MYO3A: variants seen among roughly 807,000 people sequenced by gnomAD.
MYO3A encodes the protein myosin-IIIa.
A neutral mutation model predicts 192.7 loss-of-function variants in MYO3A; 180 were observed. The ratio of observed to expected loss-of-function variants is 0.93; its 90% CI spans 0.83 to 1.06. The LOEUF is 1.06. Among genes scored for constraint, MYO3A ranks in the 50% least tolerant of loss-of-function variants. MYO3A has a pLI of 0.00. For synonymous variants in MYO3A, 628 were observed against 645.3 expected (o/e 0.97, Z 0.41); for missense variants, 1,896 against 1,905.0 (o/e 1.00, Z 0.09).
In MYO3A at chr10:26,067,005, C is replaced by T. The variant is rs1834890764; in HGVS notation, c.984C>T (p.Asn328=). The T allele has an allele frequency of 1.2e-6, 2 of 1,612,798 alleles. No individual in the cohort carries two copies. Among genetic ancestry groups the T allele is most frequent in the Non-Finnish European group, 8.5e-7 (1 of 1,178,836 alleles). ...RRERIHTKKG[N]FNRPLISNLK... ...AACGTATTCACACGAAGAAAGGGAA[C>T]TTCAACCGACCTCTAATATCCAATC... is the stretch of plus-strand genomic sequence containing the variant. The change falls in exon 11 of 35, where the codon AAC becomes AAT. Residue 328 remains asparagine, a synonymous_variant. Coordinates refer to ENST00000642920, the MANE Select transcript of MYO3A (RefSeq NM_017433.5).
chr10:26,035,316 T>C (rs757669048), intron 10 of MYO3A, among the ~76,000 whole-genome samples: 1 of 152,208 alleles, frequency 6.6e-6, no homozygotes, highest in Non-Finnish European at 1.5e-5. Context: ...GAATAGGCAA[T>C]TGAATAATTA....
chr10:25,995,995 C>T (rs1840411003), intron 4 of MYO3A, among the ~76,000 whole-genome samples: 1 of 152,238 alleles, frequency 6.6e-6, no homozygotes. Context: ...AGATCTTAAA[C>T]TCCATGCTGG....
At position 26,088,377 on chromosome 10, in the gene MYO3A, G is replaced by GA; in HGVS notation, c.1539dup (p.Ser514IlefsTer25). On this transcript the variant is annotated frameshift_variant, in exon 15 of 35. Coordinates refer to ENST00000642920, the MANE Select transcript of MYO3A (RefSeq NM_017433.5). LOFTEE classifies it high-confidence loss of function. ...AGCACAGATTTCTGAATATCTCCTG[G>GA]AAAAATCCCGAGTTATCCACCAAGC... 2 of 1,613,834 alleles carry GA rather than the reference G, an allele frequency of 1.2e-6. No individual in the cohort carries two copies. The highest frequency in any genetic ancestry group is 2.2e-5 in the South Asian group (2 of 91,074).
intron 7 of MYO3A, among the ~76,000 whole-genome samples, chr10:26,018,809 T>C (rs1842120035): frequency 6.6e-6 from 1 of 152,186 alleles, no homozygotes; most frequent in Non-Finnish European, 1.5e-5. Context: ...TATGGGTAGA[T>C]ATCCTCTGAC....
intron 31 of MYO3A, among the ~76,000 whole-genome samples, chr10:26,190,481 G>A (rs907801688): frequency 3.3e-5 from 5 of 152,062 alleles, no homozygotes; most frequent in African/African-American, 7.2e-5. Flanking sequence ...GGGATGGGAG[G>A]GTCAAACCTG....
At chr10:26,117,909 A>T (rs1396994165) in intron 17 of MYO3A, among the ~76,000 whole-genome samples, 1 of 152,144 alleles carries the variant, frequency 6.6e-6, no homozygotes, top group Admixed American at 6.5e-5. Flanking sequence ...GTCTTTGAGG[A>T]ATTGCCGCAC....
chr10:26,120,959 A>G (rs1838828192), intron 18 of MYO3A, among the ~76,000 whole-genome samples, 157 bp downstream of exon 18: 1 of 152,164 alleles, frequency 6.6e-6, no homozygotes, highest in Admixed American at 6.6e-5. Flanking sequence ...TTTAAAGTCC[A>G]CTACTTAAAA....
chr10:26,022,944 A>T (rs1842380507), intron 8 of MYO3A: 1 of 152,208 alleles, frequency 6.6e-6, no homozygotes. Context: ...GACTATGGTA[A>T]TATGGAGAAA....
intron 23 of MYO3A, among the ~76,000 whole-genome samples, chr10:26,148,545 G>C (rs1188842792): frequency 1.3e-5 from 2 of 152,126 alleles, no homozygotes; most frequent in South Asian, 4.1e-4. Context: ...ATCCTGGTTG[G>C]GTTTTGATTG....
At chr10:26,018,431 T>A (rs1017048927) in intron 7 of MYO3A, among the ~76,000 whole-genome samples, 5 of 152,130 alleles carry the variant, frequency 3.3e-5, no homozygotes, top group Non-Finnish European at 7.4e-5. Context: ...TTTCTAAGAA[T>A]TAGAAAGCAA....
chr10:26,109,010 C>T (rs1838000071), intron 17 of MYO3A, among the ~76,000 whole-genome samples: 1 of 152,164 alleles, frequency 6.6e-6, no homozygotes. Context: ...CTTTATAACC[C>T]AGAAATTTTC....
intron 17 of MYO3A, among the ~76,000 whole-genome samples, chr10:26,117,262 T>C (rs1564565860): frequency 6.6e-6 from 1 of 152,184 alleles, no homozygotes; most frequent in Non-Finnish European, 1.5e-5. Flanking sequence ...TCCAAGTTCA[T>C]AGACCAGTTT....
intron 20 of MYO3A, among the ~76,000 whole-genome samples, chr10:26,137,455 A>T (rs1486780073): frequency 6.6e-6 from 1 of 152,180 alleles, no homozygotes; most frequent in African/African-American, 2.4e-5. Context: ...TAAGCTGAGG[A>T]TGTGTGTCAC....
chr10:25,984,615 T>C, intron 4 of MYO3A, among the ~76,000 whole-genome samples: 1 of 152,116 alleles, frequency 6.6e-6, no homozygotes, highest in East Asian at 1.9e-4. Context: ...CCCATTAAAC[T>C]TTTCGCTCTT....
intron 7 of MYO3A, among the ~76,000 whole-genome samples, chr10:26,020,233 C>T (rs1588794318): frequency 6.6e-6 from 1 of 152,198 alleles, no homozygotes. Flanking sequence ...CTCCTTGCCT[C>T]CTCTCAAGAG....
chr10:25,977,341 G>A (rs897088225), intron 4 of MYO3A, among the ~76,000 whole-genome samples: 2 of 152,066 alleles, frequency 1.3e-5, no homozygotes, highest in Non-Finnish European at 2.9e-5. Flanking sequence ...ATCCTACTTT[G>A]GTAACAGAGA....
At chr10:26,154,949 C>T (rs1033666014) in intron 25 of MYO3A, 126 bp downstream of exon 25, 52 of 833,182 alleles carry the variant, frequency 6.2e-5, no homozygotes, top group Middle Eastern at 3.2e-4. Context: ...TTGTTAGATA[C>T]AGGATATGTT....
At chr10:26,081,667 AC>A (rs1835967246) in intron 14 of MYO3A, among the ~76,000 whole-genome samples, 1 of 151,982 alleles carries the variant, frequency 6.6e-6, no homozygotes, top group Non-Finnish European at 1.5e-5. Flanking sequence ...TGACCACCCT[AC>A]CATTGGATCC....
intron 31 of MYO3A, among the ~76,000 whole-genome samples, chr10:26,191,665 G>A (rs946407209): frequency 1.3e-5 from 2 of 152,162 alleles, no homozygotes; most frequent in Non-Finnish European, 2.9e-5. Flanking sequence ...GAATGAGCTG[G>A]ATAATGTCAG....
Sources: gnomAD v4.1 joint callset for allele counts (sites outside exome capture counted in the v4.1 genomes callset) on GRCh38, gnomAD v4.1.1 for gene constraint, MANE v1.5 for transcripts, NCBI Gene and HGNC (gene_info 2026-07-23, HGNC 2026-07-21) for gene names.